RARB: variants seen among roughly 807,000 people sequenced by gnomAD.
The protein encoded by RARB is HBV-activated protein.
RARB carries 17 observed loss-of-function variants against 51.9 expected under a neutral mutation model. The ratio of observed to expected loss-of-function variants is 0.33; its 90% CI spans 0.22 to 0.49. The LOEUF is 0.49. Among genes scored for constraint, RARB ranks in the 20% least tolerant of loss-of-function variants. The pLI is 0.99. For synonymous variants in RARB, 215 were observed against 195.4 expected (o/e 1.10, Z -0.84); for missense variants, 369 against 550.8 (o/e 0.67, Z 3.30).
At chr3:25,124,752 T>G (rs541915375) in intron 3 of RARB, among the ~76,000 whole-genome samples, 1 of 152,332 alleles carries the variant, frequency 6.6e-6, no homozygotes, top group South Asian at 2.1e-4. Context: ...CCCATTTGAT[T>G]TATGGTCCTT....
chr3:25,461,188 T>A lies in RARB; in HGVS notation c.158-5T>A. On this transcript the variant is annotated splice_polypyrimidine_tract_variant and splice_region_variant and intron_variant, in intron 1 of 7. Transcript: ENST00000330688. The stretch of plus-strand genomic sequence containing the variant: ...TTTTCTCCCTCTACCCCATCTCTAT[T>A]ATAGCAATTGAAACACAGAGCACCA... The A allele has an allele frequency of 6.2e-7, 1 of 1,604,426 alleles. No homozygotes were observed. The highest frequency in any genetic ancestry group is 8.5e-7 in the Non-Finnish European group (1 of 1,176,106).
intron 5 of RARB, among the ~76,000 whole-genome samples, chr3:25,332,765 A>G (rs1320139330): frequency 6.6e-6 from 1 of 152,206 alleles, no homozygotes; most frequent in African/African-American, 2.4e-5. Context: ...ATGATTGTAT[A>G]TTTAGAAAAC....
intron 2 of RARB, among the ~76,000 whole-genome samples, chr3:25,017,230 C>A (rs1009480269): frequency 1.5e-5 from 2 of 133,376 alleles, no homozygotes; most frequent in Non-Finnish European, 3.0e-5. Context: ...CCTTTCAGAA[C>A]CTAAACCCCC....
intron 2 of RARB, among the ~76,000 whole-genome samples, chr3:25,041,095 A>C (rs1698105931): frequency 6.6e-6 from 1 of 152,206 alleles, no homozygotes; most frequent in African/African-American, 2.4e-5. Context: ...TTACAACTTA[A>C]AATGGTGGGC....
chr3:24,993,729 T>C (rs114146307), intron 2 of RARB, among the ~76,000 whole-genome samples: 1,679 of 152,234 alleles, frequency 0.011, 22 homozygotes, highest in African/African-American at 0.039. Context: ...TATCAAAATT[T>C]TTTAGCTTTT....
At chr3:25,395,192 T>C (rs890821261) in intron 5 of RARB, among the ~76,000 whole-genome samples, 1 of 152,204 alleles carries the variant, frequency 6.6e-6, no homozygotes, top group African/African-American at 2.4e-5. Context: ...AATTCTTAGC[T>C]GATAATTGTT....
chr3:25,288,004 G>T (rs375156314), intron 5 of RARB, among the ~76,000 whole-genome samples: 33 of 152,084 alleles, frequency 2.2e-4, no homozygotes, highest in Non-Finnish European at 4.1e-4. Context: ...CACAAAGCTG[G>T]TAGATTTTTA....
At chr3:24,840,631 G>C (rs985906544) in intron 1 of RARB, among the ~76,000 whole-genome samples, 1 of 151,852 alleles carries the variant, frequency 6.6e-6, no homozygotes, top group South Asian at 2.1e-4. Context: ...GGCTTGAAAG[G>C]GTTGCCTGAA....
chr3:25,060,551 G>A (rs1698528117), intron 3 of RARB, among the ~76,000 whole-genome samples: 1 of 151,788 alleles, frequency 6.6e-6, no homozygotes, highest in South Asian at 2.1e-4. Flanking sequence ...AGGTCAAAAT[G>A]TAAACAAATG....
chr3:24,829,584 G>A (rs1449900930), intron 1 of RARB, among the ~76,000 whole-genome samples: 1 of 152,206 alleles, frequency 6.6e-6, no homozygotes, highest in East Asian at 1.9e-4. Context: ...GGGGGTTGGG[G>A]GGTCTGCAGC....
intron 2 of RARB, among the ~76,000 whole-genome samples, chr3:25,022,614 T>G (rs1414001953): frequency 6.6e-6 from 1 of 152,234 alleles, no homozygotes; most frequent in East Asian, 1.9e-4. Flanking sequence ...ACTTTCAGTC[T>G]TTTTTACTTT....
intron 1 of RARB, among the ~76,000 whole-genome samples, chr3:25,432,495 A>G (rs375843378): frequency 6.6e-6 from 1 of 152,180 alleles, no homozygotes; most frequent in Admixed American, 6.5e-5. Flanking sequence ...CAGAATGGCT[A>G]TTTCTGATAG....
At chr3:25,387,753 C>A (rs1482438176) in intron 5 of RARB, among the ~76,000 whole-genome samples, 5 of 151,980 alleles carry the variant, frequency 3.3e-5, no homozygotes, top group Non-Finnish European at 7.4e-5. Context: ...TGTCTTTGTT[C>A]GACCCTAAAT....
intron 3 of RARB, among the ~76,000 whole-genome samples, chr3:25,119,659 C>CAAA (rs372975404): frequency 1.0e-4 from 14 of 134,158 alleles, no homozygotes; most frequent in African/African-American, 3.2e-4. Context: ...AACAAACAAA[C>CAAA]AAAAAAAAAA....
At chr3:24,878,496 A>G (rs961060139) in intron 2 of RARB, among the ~76,000 whole-genome samples, 10 of 152,132 alleles carry the variant, frequency 6.6e-5, no homozygotes, top group Non-Finnish European at 1.0e-4. Context: ...CTGAAAAGGT[A>G]GATGGGGCAT....
At chr3:25,010,290 T>C (rs1232590212) in intron 2 of RARB, among the ~76,000 whole-genome samples, 6 of 152,102 alleles carry the variant, frequency 3.9e-5, no homozygotes, top group Admixed American at 3.9e-4. Context: ...TTCTCTGTAA[T>C]GTTTAAACTA....
chr3:25,323,232 C>T (rs1163527381), intron 5 of RARB, among the ~76,000 whole-genome samples: 1 of 152,216 alleles, frequency 6.6e-6, no homozygotes, highest in Non-Finnish European at 1.5e-5. Flanking sequence ...CCACATTCTG[C>T]TGGTCAAAGC....
chr3:25,518,003 G>T (rs1232238836), intron 3 of RARB, among the ~76,000 whole-genome samples: 1 of 152,116 alleles, frequency 6.6e-6, no homozygotes, highest in Admixed American at 6.6e-5. Flanking sequence ...AGTGGTGAAT[G>T]GGGAGGGCTG....
chr3:25,109,453 T>C (rs1029175225), intron 3 of RARB, among the ~76,000 whole-genome samples: 3 of 152,176 alleles, frequency 2.0e-5, no homozygotes, highest in Admixed American at 6.5e-5. Flanking sequence ...GAACTGTGAT[T>C]AAATAATTTG....
Sources: allele counts gnomAD v4.1 joint callset (sites outside exome capture counted in the v4.1 genomes callset), GRCh38; gene constraint gnomAD v4.1.1; transcripts MANE v1.5; gene names NCBI Gene and HGNC (gene_info 2026-07-23, HGNC 2026-07-21).